The following ZHX3 variants were observed in gnomAD, a reference collection of about 807,000 sequenced individuals.
The protein encoded by ZHX3 is zinc fingers and homeoboxes 3.
A neutral mutation model predicts 64.5 loss-of-function variants in ZHX3; 20 were observed. The ratio of observed to expected loss-of-function variants is 0.31; its 90% CI spans 0.22 to 0.45. The LOEUF is 0.45. Ranked by LOEUF, ZHX3 falls within the 20% of genes least tolerant of loss-of-function variation. ZHX3 has a pLI of 1.00. For missense variants in ZHX3, 1,041 were observed against 1,195.8 expected (o/e 0.87, Z 1.91); for synonymous variants, 423 against 461.6 (o/e 0.92, Z 1.07).
rs2040645746 is a variant in ZHX3 at position 41,232,107 on chromosome 20, T to G, written c.-150-27041A>C. 6.6e-6 allele frequency among the ~76,000 whole-genome samples: 1 copy of G among 150,596 alleles called. No homozygotes were observed. Among genetic ancestry groups the G allele is most frequent in the African/African-American group, 2.4e-5 (1 of 40,932 alleles). ...GGAAGCCACCAAGATGATTAAAGGG[T>G]TGGAAAATGAGATTTATGGGTAATG... On this transcript the variant is annotated intron_variant, in intron 2 of 3. Transcript: ENST00000683867. The surrounding 1 kb of genome is among the most constrained non-coding windows in gnomAD (Gnocchi z 5.0).
intron 1 of ZHX3, among the ~76,000 whole-genome samples, chr20:41,271,341 T>C (rs1333274973): frequency 1.3e-5 from 2 of 152,152 alleles, no homozygotes; most frequent in African/African-American, 2.4e-5. Context: ...TTTAGAAAAA[T>C]AGCCAGCATG....
At chr20:41,282,361 CTT>C (rs568284480) in intron 1 of ZHX3, among the ~76,000 whole-genome samples, 5 of 97,186 alleles carry the variant, frequency 5.1e-5, no homozygotes, top group Middle Eastern at 6.2e-3. Flanking sequence ...CACAATTCAT[CTT>C]TTTTTTTTTT....
At position 41,179,053 on chromosome 20, in the gene ZHX3, C is replaced by G. The variant is rs1338642327; in HGVS notation, c.*6138G>C. ...CAAAATGCAAATGGGTGCTAGAAAACCAGGAATCAAGACCTTGTCAGGAGG... is the reference window on the plus strand; with the variant it reads ...CAAAATGCAAATGGGTGCTAGAAAAGCAGGAATCAAGACCTTGTCAGGAGG... On this transcript the variant is annotated 3_prime_UTR_variant, in exon 4 of 4. Transcript: ENST00000683867. The surrounding 1 kb of genome is among the most constrained non-coding windows in gnomAD (Gnocchi z 4.3). The G allele has an allele frequency of 6.6e-6, 1 of 152,636 alleles. No individual in the cohort carries two copies. Among genetic ancestry groups the G allele is most frequent in the Non-Finnish European group, 1.5e-5 (1 of 68,086 alleles). 9.5% of individuals were successfully genotyped at this position (152,636 alleles called of 1,614,324 possible).
chr20:41,274,587 A>T (rs2043296336), intron 1 of ZHX3, among the ~76,000 whole-genome samples: 1 of 152,230 alleles, frequency 6.6e-6, no homozygotes, highest in Non-Finnish European at 1.5e-5. Flanking sequence ...TTGCTCACAC[A>T]TCAAAATTAG....
In ZHX3 at chr20:41,226,418, T is replaced by C. The variant is rs1568855312; in HGVS notation, c.-150-21352A>G. 6.6e-6 allele frequency among the ~76,000 whole-genome samples: 1 copy of C among 152,200 alleles called. No homozygotes were observed. The highest frequency in any genetic ancestry group is 1.5e-5 in the Non-Finnish European group (1 of 68,036). On this transcript the variant is annotated intron_variant, in intron 2 of 3. Coordinates refer to ENST00000683867, the MANE Select transcript of ZHX3 (RefSeq NM_001384317.1). This position sits in a 1 kb window ranked among gnomAD's most constrained non-coding sequence, Gnocchi z 4.4. ...AATATTCCATGATATGTATATATCA[T>C]ATTTTATTTATCCATTCATCCACTG...
rs1286818268 is a variant in ZHX3, at chr20:41,203,183, T to C, written c.1734A>G (p.Pro578=). 1 of 1,614,052 alleles carries C rather than the reference T, an allele frequency of 6.2e-7. No individual in the cohort carries two copies. The highest frequency in any genetic ancestry group is 8.5e-7 in the Non-Finnish European group (1 of 1,180,008). ...AGGTTACCTCAGGGACCTTGGACGA[T>C]GGGGAGAAGGACACCTCTGGCACAG... ...IDSVPEVSFS[P]SSKVPEVTCI... is the part of the protein sequence containing the mutation. Residue 578 remains proline, a synonymous_variant, in exon 3 of 4, where the codon CCA becomes CCG. Transcript: ENST00000683867. This position sits in a 1 kb window ranked among gnomAD's most constrained non-coding sequence, Gnocchi z 7.1.
chr20:41,220,174 G>T (rs1162945470), intron 2 of ZHX3, among the ~76,000 whole-genome samples: 1 of 152,214 alleles, frequency 6.6e-6, no homozygotes, highest in African/African-American at 2.4e-5. Context: ...TGGAGCATAG[G>T]AAAAGACTTT....
At position 41,258,676 on chromosome 20, in the gene ZHX3, T is replaced by C. The variant is rs2042396082; in HGVS notation, c.-151+10314A>G. 2.6e-5 allele frequency among the ~76,000 whole-genome samples: 4 copies of C among 152,232 alleles called. No individual in the cohort carries two copies. In the South Asian group the frequency reaches 6.2e-4, roughly 24 times the overall value. On this transcript the variant is annotated intron_variant, in intron 2 of 3. Coordinates refer to ENST00000683867, the MANE Select transcript of ZHX3 (RefSeq NM_001384317.1). ...GTTGTGTTCTTAATACATCATATCA[T>C]GGGGCTCATGATGTTGATATGTCTT...
chr20:41,240,501 GGAATTCATCGCCTCAA>G (rs1305747262), intron 2 of ZHX3, among the ~76,000 whole-genome samples: 7 of 152,214 alleles, frequency 4.6e-5, no homozygotes, highest in African/African-American at 1.4e-4. Flanking sequence ...GGGTAAATGA[GGAATTCATCGCCTCAA>G]GTATTTATCC....
At position 41,201,189 on chromosome 20, in the gene ZHX3, T is replaced by A; in HGVS notation, c.2860+868A>T. The A allele has an allele frequency of 1.2e-6, 1 of 829,286 alleles. No individual in the cohort carries two copies. The highest frequency in any genetic ancestry group is 1.7e-6 in the Non-Finnish European group (1 of 602,138). 51.4% of individuals were successfully genotyped at this position (829,286 alleles called of 1,614,324 possible). The stretch of plus-strand genomic sequence containing the variant: ...CCAACACCACAAATAGTGTCTCCTG[T>A]ACCCCCTCCCACATTGCCAACTCAG... On this transcript the variant is annotated intron_variant, in intron 3 of 3. Coordinates refer to ENST00000683867, the MANE Select transcript of ZHX3 (RefSeq NM_001384317.1). This position sits in a 1 kb window ranked among gnomAD's most constrained non-coding sequence, Gnocchi z 5.0.
rs183350027 is a variant in ZHX3, at chr20:41,252,934, G to A, written c.-151+16056C>T. Among the ~76,000 whole-genome samples, 118 of 152,202 alleles carry A rather than the reference G, an allele frequency of 7.8e-4. 1 individual carries two copies. The highest frequency in any genetic ancestry group is 2.8e-3 in the African/African-American group (116 of 41,524). On this transcript the variant is annotated intron_variant, in intron 2 of 3. Transcript: ENST00000683867. The stretch of plus-strand genomic sequence containing the variant: ...GTTGCTATAGTCCTAATTAACAGTC[G>A]ACAGGACATTTCAAGACTTCTCACT...
intron 1 of ZHX3, among the ~76,000 whole-genome samples, chr20:41,301,227 TC>T (rs2044790720): frequency 6.6e-6 from 1 of 151,966 alleles, no homozygotes; most frequent in African/African-American, 2.4e-5. Context: ...CTTGAATTCC[TC>T]CTTTTCCCCC....
At chr20:41,211,930 A>G (rs1382382079) in intron 2 of ZHX3, among the ~76,000 whole-genome samples, 1 of 152,252 alleles carries the variant, frequency 6.6e-6, no homozygotes, top group African/African-American at 2.4e-5. Flanking sequence ...AATCAGGGAA[A>G]CTAAAAATAA....
chr20:41,220,542 G>A (rs754837825), intron 2 of ZHX3, among the ~76,000 whole-genome samples: 1 of 152,140 alleles, frequency 6.6e-6, no homozygotes, highest in South Asian at 2.1e-4. Context: ...TCTTAGGAGG[G>A]TCCCCTTTAC....
chr20:41,310,139 A>G (rs2045088201), intron 1 of ZHX3, among the ~76,000 whole-genome samples: 1 of 151,770 alleles, frequency 6.6e-6, no homozygotes, highest in Non-Finnish European at 1.5e-5. Flanking sequence ...TCTTTCTGCC[A>G]CTCACCCCAG....
At chr20:41,302,386 C>T (rs973740772) in intron 1 of ZHX3, among the ~76,000 whole-genome samples, 2 of 152,248 alleles carry the variant, frequency 1.3e-5, no homozygotes, top group African/African-American at 4.8e-5. Context: ...GCTCCCTCTT[C>T]CCTGACCCAG....
intron 1 of ZHX3, among the ~76,000 whole-genome samples, chr20:41,297,853 A>G (rs2044613325): frequency 6.6e-6 from 1 of 152,204 alleles, no homozygotes. Context: ...CCCTCAGTTG[A>G]GTCCTAGCCC....
At chr20:41,250,438 C>A (rs2041935373) in intron 2 of ZHX3, among the ~76,000 whole-genome samples, 1 of 152,158 alleles carries the variant, frequency 6.6e-6, no homozygotes, top group Non-Finnish European at 1.5e-5. Context: ...AATCCCAGTA[C>A]TTTGGGAGGC....
intron 2 of ZHX3, among the ~76,000 whole-genome samples, chr20:41,234,854 G>C (rs1460048820): frequency 6.6e-6 from 1 of 152,192 alleles, no homozygotes; most frequent in African/African-American, 2.4e-5. Context: ...GGCACCTACT[G>C]GGGAGCTCAG....
Sources: allele counts gnomAD v4.1 joint callset (sites outside exome capture counted in the v4.1 genomes callset), GRCh38; gene constraint gnomAD v4.1.1; non-coding constraint Gnocchi (gnomAD v3.1); transcripts MANE v1.5; gene names NCBI Gene and HGNC (gene_info 2026-07-23, HGNC 2026-07-21).